The following HEATR4 variants were observed in gnomAD, a reference collection of about 807,000 sequenced individuals.
HEATR4 encodes HEAT repeat containing 4.
In HEATR4, 95 loss-of-function variants were observed where a neutral mutation model predicts 108.8. That is an observed-to-expected ratio of 0.87 (90% confidence interval 0.74 to 1.04). The LOEUF is 1.04. Among genes scored for constraint, HEATR4 ranks in the 50% least tolerant of loss-of-function variants. The pLI is 0.00. For synonymous variants in HEATR4, 443 were observed against 459.4 expected (o/e 0.96, Z 0.46); for missense variants, 1,152 against 1,253.8 (o/e 0.92, Z 1.23).
intron 11 of HEATR4, among the ~76,000 whole-genome samples, chr14:73,501,824 G>T (rs565867859): frequency 6.6e-6 from 1 of 151,440 alleles, no homozygotes; most frequent in African/African-American, 2.4e-5. Context: ...CGTGATCTCC[G>T]CTCACTGCAA....
chr14:73,583,868 TGC>T, the HEATR4 span, among the ~76,000 whole-genome samples: 2 of 151,012 alleles, frequency 1.3e-5, no homozygotes, highest in East Asian at 3.9e-4. Context: ...GGTGTGGTGG[TGC>T]GCACCTGTAG....
intron 1 of HEATR4, chr14:73,543,366 AC>A: frequency 7.0e-7 from 1 of 1,432,480 alleles, no homozygotes; most frequent in Non-Finnish European, 9.6e-7. Context: ...GGTCAGGATG[AC>A]CACAACTGGA....
chr14:73,495,180 G>A (rs1180868563), intron 16 of HEATR4, 48 bp downstream of exon 16: 1 of 1,540,434 alleles, frequency 6.5e-7, no homozygotes, highest in African/African-American at 1.4e-5. Context: ...TCCTGGAAGA[G>A]GCTTATTAAA....
At chr14:73,549,358 G>T (rs1358332254) in intron 1 of HEATR4, among the ~76,000 whole-genome samples, 1 of 117,690 alleles carries the variant, frequency 8.5e-6, no homozygotes, top group Non-Finnish European at 1.9e-5. Context: ...TTGTTGGGAG[G>T]AATTAACAAT....
In HEATR4 at chr14:73,543,009, G is replaced by C; in HGVS notation, c.-151-12765C>G. The C allele has an allele frequency of 2.4e-6, 3 of 1,243,920 alleles. 1 individual carries two copies. The South Asian group carries it at 4.1e-5, about 17-fold the overall frequency. 77.1% of individuals were successfully genotyped at this position (1,243,920 alleles called of 1,614,324 possible). On this transcript the variant is annotated intron_variant, in intron 1 of 17. Transcript: ENST00000553558. ...CACAACTCACCATATTCCACTGTTT[G>C]TGGAGCCATTCTTCTTCTTTTTCCT...
rs151205549 is a variant in HEATR4, at chr14:73,514,141, A to G, written c.1304T>C (p.Ile435Thr). 4.5e-5 allele frequency: 72 copies of G among 1,613,998 alleles called. No homozygotes were observed. Among genetic ancestry groups the G allele is most frequent in the Non-Finnish European group, 5.5e-5 (65 of 1,180,012 alleles). Residue 435 changes from isoleucine to threonine, a missense_variant, in exon 6 of 18, where the codon ATT (isoleucine) becomes ACT (threonine). Physicochemically the swap from Ile to Thr is moderately conservative, Grantham distance 89 (BLOSUM62 -1). Transcript: ENST00000553558. ...LLQVGEKDVPIKTRRLKKQAK... is the reference protein window; with the variant it reads ...LLQVGEKDVPTKTRRLKKQAK... ...CTGCTTCTTCAATCTCCTGGTCTTA[A>G]TAGGCACATCCTTCTCACCCACCTG...
chr14:73,617,157 G>A, the HEATR4 span: 16 of 1,614,170 alleles, frequency 9.9e-6, no homozygotes, highest in Non-Finnish European at 1.3e-5. Context: ...GGAGTACTTT[G>A]AAGAAGCCGT....
the HEATR4 span, among the ~76,000 whole-genome samples, chr14:73,611,902 G>T: frequency 6.6e-6 from 1 of 152,080 alleles, no homozygotes; most frequent in Non-Finnish European, 1.5e-5. Context: ...TCTCCAAGGG[G>T]TCACCTGAGT....
chr14:73,584,348 C>T, the HEATR4 span, among the ~76,000 whole-genome samples: 1 of 151,820 alleles, frequency 6.6e-6, no homozygotes, highest in Non-Finnish European at 1.5e-5. Flanking sequence ...CTTTTTCTGC[C>T]TTATGCCCCT....
chr14:73,515,607 G>A (rs1306302490), intron 5 of HEATR4, among the ~76,000 whole-genome samples: 2 of 150,162 alleles, frequency 1.3e-5, no homozygotes, highest in Non-Finnish European at 1.5e-5. Context: ...TTGAACTGGG[G>A]AGGCGGAGGT....
At chr14:73,494,186 T>C (rs1885962647) in intron 16 of HEATR4, among the ~76,000 whole-genome samples, 1 of 152,210 alleles carries the variant, frequency 6.6e-6, no homozygotes, top group Admixed American at 6.5e-5. Flanking sequence ...GACAAGTGAA[T>C]ATTCTCATGG....
intron 17 of HEATR4, among the ~76,000 whole-genome samples, chr14:73,489,551 C>T (rs969777317): frequency 2.0e-5 from 3 of 152,040 alleles, no homozygotes; most frequent in African/African-American, 7.3e-5. Flanking sequence ...ACTTTTTGAC[C>T]CAGCACTTTT....
chr14:73,482,758 G>A lies in HEATR4; in HGVS notation c.2845-3916C>T, dbSNP rs115820045. 8.5e-3 allele frequency among the ~76,000 whole-genome samples: 1,301 copies of A among 152,240 alleles called. 22 individuals carry two copies. The highest frequency in any genetic ancestry group is 0.03 in the African/African-American group (1,251 of 41,540). ...CATAACCTCCGCCTTCCAAATTCAA[G>A]CTTCTTTTAAATGCCTCAGCCACCC... On this transcript the variant is annotated intron_variant, in intron 17 of 17. Coordinates refer to ENST00000553558, the MANE Select transcript of HEATR4 (RefSeq NM_001220484.1).
At chr14:73,506,802 C>CTTTTTTTTTTTTTTTTT (rs1470976246) in intron 9 of HEATR4, among the ~76,000 whole-genome samples, 1 of 58,026 alleles carries the variant, frequency 1.7e-5, no homozygotes, top group East Asian at 9.2e-4. Context: ...CTGACTTTAA[C>CTTTTTTTTTTTTTTTTT]TGTTTTTTTT....
the HEATR4 span, among the ~76,000 whole-genome samples, chr14:73,615,331 G>A: frequency 8.8e-5 from 12 of 137,086 alleles, no homozygotes; most frequent in Non-Finnish European, 1.7e-4. Context: ...AGGTTGCAGT[G>A]AGCCAAAATC....
At chr14:73,565,930 C>T in the HEATR4 span, among the ~76,000 whole-genome samples, 3 of 152,094 alleles carry the variant, frequency 2.0e-5, no homozygotes, top group African/African-American at 7.2e-5. Flanking sequence ...TCTGGCCCCA[C>T]TCACATCCTG....
chr14:73,606,515 T>C, the HEATR4 span, among the ~76,000 whole-genome samples: 1 of 152,094 alleles, frequency 6.6e-6, no homozygotes, highest in Non-Finnish European at 1.5e-5. Flanking sequence ...AGAAATAGGG[T>C]CTATCTAGCA....
rs1436579022 is a variant in HEATR4, at chr14:73,544,766, G to A, written c.-152+13985C>T. ...AGCCTGGGCAACATGGCAAAACCCC[G>A]TCTCTACAAACAAATACCAGACATT... On this transcript the variant is annotated intron_variant, in intron 1 of 17. Coordinates refer to ENST00000553558, the MANE Select transcript of HEATR4 (RefSeq NM_001220484.1). 5.8e-4 allele frequency among the ~76,000 whole-genome samples: 65 copies of A among 112,896 alleles called. 23 individuals carry two copies. Among genetic ancestry groups the A allele is most frequent in the Non-Finnish European group, 2.7e-4 (14 of 52,040 alleles). 74.1% of individuals were successfully genotyped at this position (112,896 alleles called of 152,430 possible). A position where few individuals can be genotyped will look rare whatever the true frequency, so the allele number is the denominator to read the frequency against.
chr14:73,553,188 G>A (rs1889348379), intron 1 of HEATR4, among the ~76,000 whole-genome samples: 2 of 114,268 alleles, frequency 1.8e-5, no homozygotes, highest in South Asian at 5.6e-4. Flanking sequence ...TTCTCCCCCA[G>A]GTGCCAAGTC....
Sources: allele counts gnomAD v4.1 joint callset (sites outside exome capture counted in the v4.1 genomes callset), GRCh38; gene constraint gnomAD v4.1.1; transcripts MANE v1.5; gene names NCBI Gene and HGNC (gene_info 2026-07-23, HGNC 2026-07-21).